STK31: variants seen among roughly 807,000 people sequenced by gnomAD.
The protein encoded by STK31 is serine/threonine-protein kinase 31.
In STK31, 89 loss-of-function variants were observed where a neutral mutation model predicts 129.7. That is an observed-to-expected ratio of 0.69 (90% CI 0.58 to 0.82). The LOEUF (loss-of-function observed/expected upper bound fraction) is 0.82, where lower values mean the gene tolerates loss of function less well. Among genes scored for constraint, STK31 ranks in the 40% least tolerant of loss-of-function variants. STK31 has a pLI of 0.00. For synonymous variants in STK31, 448 were observed against 395.3 expected (o/e 1.13, Z -1.58); for missense variants, 1,187 against 1,176.4 (o/e 1.01, Z -0.13).
chr7:23,753,711 C>T (rs1449517522), intron 9 of STK31, among the ~76,000 whole-genome samples: 1 of 152,228 alleles, frequency 6.6e-6, no homozygotes, highest in Non-Finnish European at 1.5e-5. Flanking sequence ...ACCCTACTGT[C>T]ACCCACTCAT....
At chr7:23,828,966 C>G (rs1433903796) in intron 23 of STK31, among the ~76,000 whole-genome samples, 1 of 151,522 alleles carries the variant, frequency 6.6e-6, no homozygotes, top group Non-Finnish European at 1.5e-5. Context: ...GTGGCGTGAT[C>G]TCAGCGCGCT....
chr7:23,719,753 A>C (rs1341590805), intron 4 of STK31, among the ~76,000 whole-genome samples: 3 of 152,140 alleles, frequency 2.0e-5, no homozygotes, highest in African/African-American at 7.2e-5. Flanking sequence ...GGACAATTTC[A>C]TGCTTAGATG....
At chr7:23,734,713 C>T (rs984090803) in intron 6 of STK31, among the ~76,000 whole-genome samples, 1 of 152,104 alleles carries the variant, frequency 6.6e-6, no homozygotes, top group Non-Finnish European at 1.5e-5. Flanking sequence ...CCCTGTAATC[C>T]CAGCACTTTG....
intron 23 of STK31, among the ~76,000 whole-genome samples, chr7:23,824,257 A>G (rs936765234): frequency 1.3e-5 from 2 of 152,042 alleles, no homozygotes; most frequent in African/African-American, 4.8e-5. Flanking sequence ...ATTTCTTTGT[A>G]TCCTCTTTTA....
chr7:23,767,649 G>A (rs1789913969), intron 11 of STK31, among the ~76,000 whole-genome samples: 1 of 152,146 alleles, frequency 6.6e-6, no homozygotes. Flanking sequence ...TTCTGTATTG[G>A]TTATCAGTTT....
chr7:23,819,501 G>C (rs1301399890), intron 23 of STK31, among the ~76,000 whole-genome samples: 2 of 151,236 alleles, frequency 1.3e-5, no homozygotes, highest in Non-Finnish European at 2.9e-5. Context: ...TGCAACCTCT[G>C]CCTCCCAGGT....
At position 23,710,635 on chromosome 7, in the gene STK31, C is replaced by G. The variant is rs1359331531; in HGVS notation, c.50+300C>G. On this transcript the variant is annotated intron_variant, in intron 1 of 23. Transcript: ENST00000355870. ...CTGTGCCATTTAAGTTTCAAAATCC[C>G]TTATAAAATAAGTGTCAGAGAGCTA... 13 of 1,229,056 alleles carry G rather than the reference C, an allele frequency of 1.1e-5. No homozygotes were observed. The South Asian group carries it at 2.2e-4, about 20-fold the overall frequency. The allele number at this position is 1,229,056 out of a possible 1,614,324, so 76.1% of individuals were successfully genotyped here.
intron 23 of STK31, among the ~76,000 whole-genome samples, chr7:23,824,547 G>A (rs1261844208): frequency 3.3e-5 from 5 of 152,292 alleles, no homozygotes; most frequent in Admixed American, 2.0e-4. Context: ...TCTGCAAACA[G>A]GGACAATTGG....
chr7:23,715,626 G>C (rs945813745), intron 3 of STK31, among the ~76,000 whole-genome samples: 1 of 152,004 alleles, frequency 6.6e-6, no homozygotes, highest in Non-Finnish European at 1.5e-5. Flanking sequence ...AGTCTGTATA[G>C]TGAAAAAATA....
intron 22 of STK31, among the ~76,000 whole-genome samples, chr7:23,812,629 G>A (rs1483536605): frequency 1.3e-5 from 2 of 151,636 alleles, no homozygotes; most frequent in Non-Finnish European, 2.9e-5. Context: ...AGTGTACATT[G>A]TACTCATTAA....
Position 23,832,285 on chromosome 7 carries a change from A to C in STK31, c.2979A>C (p.Lys993Asn), listed in dbSNP as rs1228219157. ...PEKDTEYTLY[K>N]KEEEIKTENL... ...AAGATACTGAATACACCCTATATAA[A>C]AAGGAAGAAGAAATAAAGACGGAGA... The change falls in exon 24 of 24, where the codon AAA (lysine) becomes AAC (asparagine). Residue 993 changes from lysine (K) to asparagine (N), a missense_variant. Around this residue, in one of 5 missense-constraint regions of STK31, gnomAD observed 975 missense variants for 934.9 expected, o/e 1.04. Coordinates refer to ENST00000355870, the MANE Select transcript of STK31 (RefSeq NM_031414.5). 6.2e-7 allele frequency: 1 copy of C among 1,614,066 alleles called. No individual in the cohort carries two copies. The highest frequency in any genetic ancestry group is 8.5e-7 in the Non-Finnish European group (1 of 1,179,986).
At chr7:23,737,874 TGTG>T (rs1787811588) in intron 8 of STK31, among the ~76,000 whole-genome samples, 1 of 151,386 alleles carries the variant, frequency 6.6e-6, no homozygotes, top group Non-Finnish European at 1.5e-5. Context: ...TGTGTGTGTG[TGTG>T]TGTGTGTGTG....
At chr7:23,827,708 T>A (rs1794260703) in intron 23 of STK31, among the ~76,000 whole-genome samples, 1 of 152,216 alleles carries the variant, frequency 6.6e-6, no homozygotes, top group South Asian at 2.1e-4. Context: ...CTCTGTTTTT[T>A]CCCCATCTTT....
At chr7:23,785,692 G>A in intron 18 of STK31, 89 bp downstream of exon 18, 1 of 1,485,374 alleles carries the variant, frequency 6.7e-7, no homozygotes, top group Non-Finnish European at 9.0e-7. Flanking sequence ...AAACCTCACT[G>A]TTAGTTTTCT....
At chr7:23,791,571 T>C (rs1791619750) in intron 22 of STK31, among the ~76,000 whole-genome samples, 1 of 152,200 alleles carries the variant, frequency 6.6e-6, no homozygotes, top group Admixed American at 6.6e-5. Context: ...CATGACACAC[T>C]GTTTACCCAT....
intron 11 of STK31, among the ~76,000 whole-genome samples, chr7:23,765,887 G>A (rs1208167709): frequency 2.6e-5 from 4 of 152,248 alleles, no homozygotes; most frequent in South Asian, 2.1e-4. Flanking sequence ...TGCCTTTGGT[G>A]TCTTTCCTCT....
chr7:23,734,515 G>A (rs529066865), intron 6 of STK31, among the ~76,000 whole-genome samples: 1 of 152,140 alleles, frequency 6.6e-6, no homozygotes, highest in Non-Finnish European at 1.5e-5. Flanking sequence ...TTAAAATTAA[G>A]TCTCAATATG....
rs1358652273 is a variant in STK31, at chr7:23,832,191, C to G, written c.2885C>G (p.Thr962Ser). ...CSLICYRSSM[T>S]AEQVLNAECF... ...TTGATATGTTATAGAAGTTCAATGA[C>G]TGCTGAACAAGTTTTAAATGCTGAA... The change falls in exon 24 of 24, where the codon ACT becomes AGT. Residue 962 changes from threonine to serine, a missense_variant. By Grantham distance (58) the Thr-to-Ser change is moderately conservative. This residue lies in a region of STK31 where 975 missense variants were observed against 934.9 expected (regional missense o/e 1.04). Transcript: ENST00000355870. 6.2e-7 allele frequency: 1 copy of G among 1,614,132 alleles called. No individual in the cohort carries two copies. Among genetic ancestry groups the G allele is most frequent in the Non-Finnish European group, 8.5e-7 (1 of 1,180,022 alleles).
intron 22 of STK31, among the ~76,000 whole-genome samples, chr7:23,798,212 A>G (rs1254683271): frequency 6.6e-6 from 1 of 152,150 alleles, no homozygotes; most frequent in Non-Finnish European, 1.5e-5. Context: ...ACTGTTCCAA[A>G]CAGTAGAAAA....
Sources: allele counts gnomAD v4.1 joint callset (sites outside exome capture counted in the v4.1 genomes callset), GRCh38; gene constraint gnomAD v4.1.1; regional missense constraint gnomAD v4.1.1; transcripts MANE v1.5; gene names NCBI Gene and HGNC (gene_info 2026-07-23, HGNC 2026-07-21).